Variants in ITPR1 observed in about 807,000 individuals in gnomAD.
ITPR1 encodes the protein inositol 1,4,5-trisphosphate-gated calcium channel ITPR1.
Under a neutral mutation model 318.4 loss-of-function variants are expected in ITPR1, and 96 were observed. That is an observed-to-expected ratio of 0.30 (90% confidence interval 0.26 to 0.36). The LOEUF is 0.36. Among genes scored for constraint, ITPR1 ranks in the 10% least tolerant of loss-of-function variants. The pLI, the probability that ITPR1 is intolerant of heterozygous loss-of-function variation, is 1.00. For synonymous variants in ITPR1, 1,312 were observed against 1,289.9 expected (o/e 1.02, Z -0.37); for missense variants, 2,440 against 3,460.2 (o/e 0.71, Z 7.40).
At chr3:4,800,244 C>T (rs1286976164) in intron 53 of ITPR1, 181 bp from the exon 54 acceptor site, 2 of 563,718 alleles carry the variant, frequency 3.5e-6, no homozygotes, top group African/African-American at 2.0e-5. Context: ...TGTGTGGAGG[C>T]TTGGAGGTCA....
Position 4,813,146 on chromosome 3 carries a change from C to T in ITPR1, c.7473C>T (p.Thr2491=), listed in dbSNP as rs1328791433. ...AAATTTCCTTCTCTCTCCCAGAAAC[C>T]GGCGAGAGTTTGGCAAGCGAGTTCC... The part of the protein sequence containing the change: ...RLPNETAVPE[T]GESLASEFLF... Residue 2491 remains threonine (T), a synonymous_variant, in exon 57 of 62, where the codon ACC becomes ACT. Transcript: ENST00000649015. 1.3e-5 allele frequency: 21 copies of T among 1,613,546 alleles called. No homozygotes were observed. The highest frequency in any genetic ancestry group is 5.0e-5 in the Admixed American group (3 of 59,990).
chr3:4,635,630 C>T (rs991676536), intron 5 of ITPR1, among the ~76,000 whole-genome samples: 2 of 152,130 alleles, frequency 1.3e-5, no homozygotes, highest in African/African-American at 2.4e-5. Flanking sequence ...CAGGCATGAG[C>T]CACTGCGCCC....
At chr3:4,658,087 A>G (rs1260976055) in intron 12 of ITPR1, 37 bp from the exon 13 acceptor site, 1 of 1,571,004 alleles carries the variant, frequency 6.4e-7, no homozygotes, top group South Asian at 1.2e-5. Context: ...AGGCTTTGGC[A>G]TGCATGGTTC....
At chr3:4,728,740 T>C (rs1176362448) in intron 42 of ITPR1, among the ~76,000 whole-genome samples, 1 of 152,208 alleles carries the variant, frequency 6.6e-6, no homozygotes, top group Non-Finnish European at 1.5e-5. Context: ...ACCTGTCCCC[T>C]GTCTTGGAGA....
intron 4 of ITPR1, among the ~76,000 whole-genome samples, chr3:4,575,835 A>G (rs2088587808): frequency 6.6e-6 from 1 of 152,178 alleles, no homozygotes; most frequent in Non-Finnish European, 1.5e-5. Context: ...AGCCTGGGCA[A>G]TATAGTGAGA....
intron 59 of ITPR1, among the ~76,000 whole-genome samples, chr3:4,817,144 A>G (rs1387865215): frequency 6.6e-6 from 1 of 152,180 alleles, no homozygotes; most frequent in Non-Finnish European, 1.5e-5. Context: ...TGGCATCATA[A>G]TATATTCCAG....
intron 4 of ITPR1, among the ~76,000 whole-genome samples, chr3:4,622,799 G>T (rs1293175937): frequency 6.6e-6 from 1 of 152,218 alleles, no homozygotes; most frequent in Non-Finnish European, 1.5e-5. Context: ...CATATCTGCA[G>T]TTGTTTCTGG....
Position 4,846,300 on chromosome 3 carries a change from C to T in ITPR1, c.*75C>T, listed in dbSNP as rs538369500. On this transcript the variant is annotated 3_prime_UTR_variant, in exon 62 of 62. Transcript: ENST00000649015. ...TGGGTATGGCTAATGAGTTCTGATT[C>T]ACCCACGAAGGTTACATTTATGCTG... 1 of 978,558 alleles carries T rather than the reference C, an allele frequency of 1.0e-6. No homozygotes were observed. The highest frequency in any genetic ancestry group is 1.6e-5 in the African/African-American group (1 of 61,598). The allele number at this position is 978,558 out of a possible 1,614,324, so 60.6% of individuals were successfully genotyped here.
intron 54 of ITPR1, among the ~76,000 whole-genome samples, chr3:4,801,070 G>A (rs2048198735): frequency 6.6e-6 from 1 of 152,310 alleles, no homozygotes; most frequent in East Asian, 1.9e-4. Context: ...AGGAGAAGCA[G>A]AGACAATTCT....
chr3:4,669,578 T>C (rs2094027958), intron 18 of ITPR1, 76 bp from the exon 19 acceptor site: 1 of 1,455,288 alleles, frequency 6.9e-7, no homozygotes, highest in Non-Finnish European at 9.3e-7. Context: ...ACCTGTGCAC[T>C]TAAGGAAGAA....
At chr3:4,777,497 A>G (rs1030184602) in intron 48 of ITPR1, 123 bp downstream of exon 48, 5 of 646,930 alleles carry the variant, frequency 7.7e-6, no homozygotes, top group African/African-American at 1.8e-5. Flanking sequence ...CTTTAAATGA[A>G]TGACCCAGGT....
At chr3:4,667,627 C>A in intron 18 of ITPR1, 78 bp downstream of exon 18, 1 of 1,374,988 alleles carries the variant, frequency 7.3e-7, no homozygotes, top group Middle Eastern at 2.6e-4. Flanking sequence ...CTTTTTACTA[C>A]GTTTCCTTGT....
At chr3:4,733,363 G>A in intron 43 of ITPR1, 143 bp downstream of exon 43, 1 of 938,546 alleles carries the variant, frequency 1.1e-6, no homozygotes, top group Non-Finnish European at 1.6e-6. Context: ...TTTTGTCTTT[G>A]GTCTACCATC....
chr3:4,545,026 G>C (rs945455699), intron 4 of ITPR1, among the ~76,000 whole-genome samples: 1 of 151,954 alleles, frequency 6.6e-6, no homozygotes, highest in Non-Finnish European at 1.5e-5. Flanking sequence ...GAACTCCTGG[G>C]CTCTAGCAAT....
At chr3:4,557,569 T>C (rs2086258738) in intron 4 of ITPR1, among the ~76,000 whole-genome samples, 1 of 152,172 alleles carries the variant, frequency 6.6e-6, no homozygotes, top group African/African-American at 2.4e-5. Context: ...TGGGCCTGCT[T>C]TTGATGAAAT....
At chr3:4,599,950 T>C (rs2091142706) in intron 4 of ITPR1, among the ~76,000 whole-genome samples, 1 of 152,192 alleles carries the variant, frequency 6.6e-6, no homozygotes, top group Non-Finnish European at 1.5e-5. Flanking sequence ...AGAAGTCTCC[T>C]CCTGCCCATT....
chr3:4,662,887 T>C (rs1381460878), intron 15 of ITPR1, among the ~76,000 whole-genome samples, 178 bp from the exon 16 acceptor site: 1 of 152,178 alleles, frequency 6.6e-6, no homozygotes. Flanking sequence ...GACAATGATA[T>C]GTTTTGTGTC....
chr3:4,712,784 G>A (rs868191670), intron 39 of ITPR1, among the ~76,000 whole-genome samples: 5 of 152,232 alleles, frequency 3.3e-5, no homozygotes, highest in African/African-American at 1.2e-4. Flanking sequence ...AATGTTACTA[G>A]TGAGACTCCT....
intron 46 of ITPR1, among the ~76,000 whole-genome samples, chr3:4,771,473 C>T (rs1021481765): frequency 6.6e-6 from 1 of 152,182 alleles, no homozygotes; most frequent in African/African-American, 2.4e-5. Context: ...ACCTTCCCTC[C>T]CTCGCCCACA....
Sources: gnomAD v4.1 joint callset for allele counts (sites outside exome capture counted in the v4.1 genomes callset) on GRCh38, gnomAD v4.1.1 for gene constraint, MANE v1.5 for transcripts, NCBI Gene and HGNC (gene_info 2026-07-23, HGNC 2026-07-21) for gene names.